The following SDK1 variants were observed in gnomAD, a reference collection of about 807,000 sequenced individuals.
SDK1 encodes the protein protein sidekick-1.
In SDK1, 157 loss-of-function variants were observed where a neutral mutation model predicts 245.5. The ratio of observed to expected loss-of-function variants is 0.64; its 90% confidence interval spans 0.56 to 0.73. The LOEUF is 0.73. Ranked by LOEUF, SDK1 falls within the 30% of genes least tolerant of loss-of-function variation. SDK1 has a pLI of 0.00. For synonymous variants in SDK1, 1,647 were observed against 1,278.5 expected (o/e 1.29, Z -6.15); for missense variants, 3,583 against 3,002.3 (o/e 1.19, Z -4.52).
chr7:3,928,636 G>C (rs537729479), intron 5 of SDK1, among the ~76,000 whole-genome samples: 1 of 151,960 alleles, frequency 6.6e-6, no homozygotes, highest in Admixed American at 6.6e-5. Context: ...TTTTTGGGGG[G>C]GGTGGGTGGA....
intron 1 of SDK1, among the ~76,000 whole-genome samples, chr7:3,462,940 C>T (rs1195673854): frequency 6.6e-6 from 1 of 152,196 alleles, no homozygotes; most frequent in African/African-American, 2.4e-5. Flanking sequence ...AGGATAAAGA[C>T]CACAGACCCT....
At chr7:3,482,323 C>T (rs1288598274) in intron 1 of SDK1, among the ~76,000 whole-genome samples, 2 of 152,138 alleles carry the variant, frequency 1.3e-5, no homozygotes, top group East Asian at 1.9e-4. Context: ...CTAGGGAGGG[C>T]AGCGAGCTCT....
rs1315735539 is a variant in SDK1 at position 4,132,436 on chromosome 7, CGGTGGCCGGGCGT to C, written c.4228+20_4228+32del. 4 of 1,588,830 alleles carry C rather than the reference CGGTGGCCGGGCGT, an allele frequency of 2.5e-6. No individual in the cohort carries two copies. The African/African-American group carries it at 5.4e-5, about 21-fold the overall frequency. The stretch of plus-strand genomic sequence containing the variant: ...GGCATCATCCTGGGTAAGGGAGCGG[CGGTGGCCGGGCGT>C]GGTGGCTCAGGCCTGTCATCCCAGC... On this transcript the variant is annotated intron_variant, in intron 28 of 44. Coordinates refer to ENST00000404826, the MANE Select transcript of SDK1 (RefSeq NM_152744.4).
At chr7:3,482,500 G>T (rs1418159447) in intron 1 of SDK1, among the ~76,000 whole-genome samples, 1 of 152,164 alleles carries the variant, frequency 6.6e-6, no homozygotes, top group Non-Finnish European at 1.5e-5. Flanking sequence ...AATGTAAAAG[G>T]TGAATGAGAA....
chr7:3,965,355 AT>A (rs1782009374), intron 9 of SDK1, among the ~76,000 whole-genome samples: 1 of 152,114 alleles, frequency 6.6e-6, no homozygotes, highest in South Asian at 2.1e-4. Context: ...CCAAACCCAG[AT>A]TATAGGATTC....
intron 43 of SDK1, among the ~76,000 whole-genome samples, chr7:4,243,707 C>T (rs7793224): frequency 0.059 from 9,024 of 152,208 alleles, 884 homozygotes; most frequent in African/African-American, 0.2. Flanking sequence ...GTCCCTCCCA[C>T]GTCACATGGG....
At chr7:4,168,148 C>T (rs1243347443) in intron 32 of SDK1, among the ~76,000 whole-genome samples, 1 of 152,224 alleles carries the variant, frequency 6.6e-6, no homozygotes, top group Non-Finnish European at 1.5e-5. Context: ...GGGAAGATGA[C>T]ACCTGCTAGC....
chr7:4,233,985 A>G (rs1051991673), intron 41 of SDK1, among the ~76,000 whole-genome samples: 7 of 152,186 alleles, frequency 4.6e-5, no homozygotes, highest in African/African-American at 1.7e-4. Flanking sequence ...CAACAAAATC[A>G]TTCGCAAGGA....
At chr7:3,689,860 G>T (rs1229773046) in intron 4 of SDK1, among the ~76,000 whole-genome samples, 1 of 152,102 alleles carries the variant, frequency 6.6e-6, no homozygotes, top group Non-Finnish European at 1.5e-5. Flanking sequence ...ATTACCTTTT[G>T]CAAAAAACCA....
rs183710174 is a variant in SDK1 at position 4,174,275 on chromosome 7, C to T, written c.4854C>T (p.Tyr1618=). 1.3e-5 allele frequency: 21 copies of T among 1,613,774 alleles called. No homozygotes were observed. Among genetic ancestry groups the T allele is most frequent in the Non-Finnish European group, 1.8e-5 (21 of 1,179,666 alleles). Residue 1618 remains tyrosine (Y), a synonymous_variant, in exon 33 of 45, where the codon TAC becomes TAT. Coordinates refer to ENST00000404826, the MANE Select transcript of SDK1 (RefSeq NM_152744.4). ...NGLLQGYRIY[Y]RELEYEAGSG... is the part of the protein sequence containing the mutation. Reference sequence around the variant, plus strand: ...TTCTTCAGGGATACAGGATCTACTACAGGGAGCTGGAGTATGAAGCCGGGT... The same window carrying T: ...TTCTTCAGGGATACAGGATCTACTATAGGGAGCTGGAGTATGAAGCCGGGT...
At chr7:4,201,324 A>T (rs1783867526) in intron 35 of SDK1, among the ~76,000 whole-genome samples, 1 of 152,188 alleles carries the variant, frequency 6.6e-6, no homozygotes, top group Admixed American at 6.5e-5. Context: ...AGGGGAGCAG[A>T]TTGCGAGCAA....
At chr7:4,135,654 T>C (rs988429487) in intron 28 of SDK1, among the ~76,000 whole-genome samples, 1 of 152,222 alleles carries the variant, frequency 6.6e-6, no homozygotes, top group African/African-American at 2.4e-5. Context: ...TGCGTGTTTC[T>C]TAGCATTCCC....
chr7:3,693,080 T>C (rs1231918192), intron 4 of SDK1, among the ~76,000 whole-genome samples: 1 of 151,998 alleles, frequency 6.6e-6, no homozygotes, highest in Non-Finnish European at 1.5e-5. Context: ...ATATTATATA[T>C]TAATATGACT....
At chr7:3,693,162 T>C (rs1394976686) in intron 4 of SDK1, among the ~76,000 whole-genome samples, 1 of 152,144 alleles carries the variant, frequency 6.6e-6, no homozygotes, top group Non-Finnish European at 1.5e-5. Flanking sequence ...ACAAATAAAA[T>C]GTTGTATACT....
intron 5 of SDK1, among the ~76,000 whole-genome samples, chr7:3,825,870 G>T (rs376240256): frequency 1.3e-5 from 2 of 152,096 alleles, no homozygotes; most frequent in South Asian, 2.1e-4. Context: ...GACTTGGCTC[G>T]GGTTCCTAAA....
chr7:3,473,108 G>C (rs796531987), intron 1 of SDK1, among the ~76,000 whole-genome samples: 1 of 152,022 alleles, frequency 6.6e-6, no homozygotes, highest in African/African-American at 2.4e-5. Context: ...CACATTTACC[G>C]GAGCATCACA....
chr7:3,606,329 C>G (rs539286602), intron 1 of SDK1, among the ~76,000 whole-genome samples: 20 of 152,286 alleles, frequency 1.3e-4, no homozygotes, highest in African/African-American at 4.3e-4. Flanking sequence ...TCTGGATTAA[C>G]AAGATGGCCT....
At position 3,987,323 on chromosome 7, in the gene SDK1, G is replaced by T; in HGVS notation, c.2131+1G>T. The stretch of plus-strand genomic sequence containing the variant: ...TACATCGTGGAGCTCTCTGAAAACA[G>T]TAAGTAGCAAAATGAAACTGTCACC... On this transcript the variant is annotated splice_donor_variant, in intron 14 of 44. Coordinates refer to ENST00000404826, the MANE Select transcript of SDK1 (RefSeq NM_152744.4). LOFTEE classifies it high-confidence loss of function. 2 of 1,613,600 alleles carry T rather than the reference G, an allele frequency of 1.2e-6. No homozygotes were observed. Among genetic ancestry groups the T allele is most frequent in the Non-Finnish European group, 1.7e-6 (2 of 1,179,738 alleles).
chr7:3,452,663 A>G lies in SDK1; in HGVS notation c.298+150779A>G, dbSNP rs527952940. Among the ~76,000 whole-genome samples the G allele has an allele frequency of 9.2e-5, 14 of 152,268 alleles. No individual in the cohort carries two copies. In the Middle Eastern group the frequency reaches 0.017, roughly 186 times the overall value. The stretch of plus-strand genomic sequence containing the variant: ...CAGCTATGTTATAGAAGAACTTCCT[A>G]CAATATTGTCCTATGTACGGTGACA... On this transcript the variant is annotated intron_variant, in intron 1 of 44. Coordinates refer to ENST00000404826, the MANE Select transcript of SDK1 (RefSeq NM_152744.4).
Sources: gnomAD v4.1 joint callset for allele counts (sites outside exome capture counted in the v4.1 genomes callset) on GRCh38, gnomAD v4.1.1 for gene constraint, MANE v1.5 for transcripts, NCBI Gene and HGNC (gene_info 2026-07-23, HGNC 2026-07-21) for gene names.